HINT1: variants seen among roughly 807,000 people sequenced by gnomAD.
The protein encoded by HINT1 is histidine triad nucleotide binding protein 1, also known as adenosine 5'-monophosphoramidase HINT1.
In HINT1, 12 loss-of-function variants were observed where a neutral mutation model predicts 11.2. The ratio of observed to expected loss-of-function variants is 1.07; its 90% CI spans 0.69 to 1.74. The LOEUF (loss-of-function observed/expected upper bound fraction) is 1.74. Among genes scored for constraint, HINT1 ranks in the 40% most tolerant of loss-of-function variants. The pLI, the probability that HINT1 is intolerant of heterozygous loss-of-function variation, is 0.00. For synonymous variants in HINT1, 42 were observed against 52.6 expected (o/e 0.80, Z 0.87); for missense variants, 150 against 161.8 (o/e 0.93, Z 0.40).
Position 131,162,565 on chromosome 5 carries a change from T to C in HINT1, c.216+7A>G. 5 of 1,605,950 alleles carry C rather than the reference T, an allele frequency of 3.1e-6. No homozygotes were observed. The highest frequency in any genetic ancestry group is 4.3e-6 in the Non-Finnish European group (5 of 1,172,640). Reference sequence around the variant, plus strand: ...AAGAAAATAAATCATGTTAGAAATGTACTTACACTTTCATCATCATCTTCT... The same window carrying C: ...AAGAAAATAAATCATGTTAGAAATGCACTTACACTTTCATCATCATCTTCT... On this transcript the variant is annotated splice_region_variant and intron_variant, in intron 2 of 2. Coordinates refer to ENST00000304043, the MANE Select transcript of HINT1 (RefSeq NM_005340.7).
In HINT1 at chr5:131,160,803, G is replaced by C. The variant is rs1267370330; in HGVS notation, c.217-1192C>G. 5 of 484,400 alleles carry C rather than the reference G, an allele frequency of 1.0e-5. No homozygotes were observed. In the East Asian group the frequency reaches 3.4e-4, roughly 33 times the overall value. 30.0% of individuals were successfully genotyped at this position (484,400 alleles called of 1,614,324 possible). On this transcript the variant is annotated intron_variant, in intron 2 of 2. Coordinates refer to ENST00000304043, the MANE Select transcript of HINT1 (RefSeq NM_005340.7). ...CGAATTCTGATCCTTTTCCAGACTG[G>C]TGATATGCAGTAAAATACTCTTACA...
chr5:131,165,060 C>A, intron 1 of HINT1, 35 bp downstream of exon 1: 2 of 1,613,106 alleles, frequency 1.2e-6, no homozygotes, highest in South Asian at 1.1e-5. Flanking sequence ...CGATACCCAC[C>A]TCAGCAGGCG....
intron 2 of HINT1, 47 bp downstream of exon 2, chr5:131,162,525 C>T: frequency 6.2e-7 from 1 of 1,608,502 alleles, no homozygotes; most frequent in African/African-American, 1.3e-5. Flanking sequence ...AAATTAATCT[C>T]ACAATTTAAA....
At chr5:131,160,574 G>T in intron 2 of HINT1, 5 of 386,752 alleles carry the variant, frequency 1.3e-5, no homozygotes, top group Non-Finnish European at 1.8e-5. Flanking sequence ...AATTCCTTTG[G>T]CAAGAAAAGA....
Position 131,159,378 on chromosome 5 carries a change from ACTTAACATACTGGAAATTGC to A in HINT1, c.*49_*68del. The A allele has an allele frequency of 1.4e-6, 2 of 1,412,944 alleles. No individual in the cohort carries two copies. The highest frequency in any genetic ancestry group is 1.2e-5 in the South Asian group (1 of 81,924). 87.5% of individuals were successfully genotyped at this position (1,412,944 alleles called of 1,614,324 possible). ...ATACACAGGCAAAAATAAGTGTGTT[ACTTAACATACTGGAAATTGC>A]CTAACTTAATCATTGCCTAAAGAAG... On this transcript the variant is annotated 3_prime_UTR_variant, in exon 3 of 3. Coordinates refer to ENST00000304043, the MANE Select transcript of HINT1 (RefSeq NM_005340.7).
intron 2 of HINT1, chr5:131,162,359 T>C (rs765148203): frequency 3.5e-6 from 3 of 868,844 alleles, no homozygotes; most frequent in Middle Eastern, 4.3e-4. Flanking sequence ...TTGATAAGGA[T>C]ACGGAGAAGC....
At chr5:131,164,968 C>A in intron 1 of HINT1, 127 bp downstream of exon 1, 2 of 1,382,294 alleles carry the variant, frequency 1.4e-6, no homozygotes, top group Non-Finnish European at 2.0e-6. Context: ...GCCCGCTGGA[C>A]CAGGGCAGCC....
intron 1 of HINT1, among the ~76,000 whole-genome samples, chr5:131,162,914 T>G (rs1755294918): frequency 6.6e-6 from 1 of 152,062 alleles, no homozygotes; most frequent in Non-Finnish European, 1.5e-5. Flanking sequence ...CTCAGCTCAC[T>G]GCAACCTCCG....
rs1755195456 is a variant in HINT1, at chr5:131,159,518, C to T, written c.310G>A (p.Gly104Ser). Residue 104 changes from glycine (G) to serine (S), a missense_variant, in exon 3 of 3, where the codon GGT becomes AGT. Transcript: ENST00000304043. ...YRMVVNEGSD[G>S]GQSVYHVHLH... is the part of the protein sequence containing the mutation. ...TGAACGTGATAGACAGACTGTCCACCATCTGAACCTTCATTCACCACCATT... is the reference window on the plus strand; with the variant it reads ...TGAACGTGATAGACAGACTGTCCACTATCTGAACCTTCATTCACCACCATT... 1 of 1,613,842 alleles carries T rather than the reference C, an allele frequency of 6.2e-7. No individual in the cohort carries two copies. The highest frequency in any genetic ancestry group is 2.2e-5 in the East Asian group (1 of 44,874).
At chr5:131,161,469 G>A (rs887344012) in intron 2 of HINT1, among the ~76,000 whole-genome samples, 2 of 151,788 alleles carry the variant, frequency 1.3e-5, no homozygotes, top group African/African-American at 2.4e-5. Context: ...AGGCGTGATG[G>A]CATGCCTGTA....
chr5:131,160,277 T>C (rs1755217111), intron 2 of HINT1, among the ~76,000 whole-genome samples: 1 of 152,222 alleles, frequency 6.6e-6, no homozygotes, highest in African/African-American at 2.4e-5. Flanking sequence ...ACCAGATCTA[T>C]TGCATTGTCG....
chr5:131,165,178 C>T lies in HINT1; in HGVS notation c.28G>A (p.Val10Ile). 6.2e-7 allele frequency: 1 copy of T among 1,610,098 alleles called. No homozygotes were observed. The highest frequency in any genetic ancestry group is 8.5e-7 in the Non-Finnish European group (1 of 1,179,904). ...ATCGTGTCGCCACCAGGCCGAGCGA[C>T]CTGAGCCTTGGCAATCTCATCTGCC... is the stretch of plus-strand genomic sequence containing the variant. MADEIAKAQVARPGGDTIFG... is the reference protein window; with the variant it reads MADEIAKAQIARPGGDTIFG... The change falls in exon 1 of 3, where the codon GTC (valine) becomes ATC (isoleucine). Residue 10 changes from valine to isoleucine, a missense_variant. By Grantham distance (29) the Val-to-Ile change is conservative. Transcript: ENST00000304043.
At chr5:131,164,061 A>T (rs904070597) in intron 1 of HINT1, among the ~76,000 whole-genome samples, 11 of 151,694 alleles carry the variant, frequency 7.3e-5, no homozygotes, top group African/African-American at 2.7e-4. Context: ...TTTTTTTTTT[A>T]ATTTACCTAG....
At chr5:131,161,974 G>A (rs1373714441) in intron 2 of HINT1, 1 of 160,314 alleles carries the variant, frequency 6.2e-6, no homozygotes, top group Admixed American at 6.1e-5. Context: ...TTAATAAATA[G>A]TAAATATATT....
At chr5:131,161,590 C>T (rs796808054) in intron 2 of HINT1, among the ~76,000 whole-genome samples, 4 of 144,048 alleles carry the variant, frequency 2.8e-5, no homozygotes, top group African/African-American at 7.8e-5. Flanking sequence ...AACGAAACTC[C>T]GTCTCAAAAA....
At position 131,159,417 on chromosome 5, in the gene HINT1, A is replaced by T; in HGVS notation, c.*30T>A. 6.2e-7 allele frequency: 1 copy of T among 1,604,130 alleles called. No homozygotes were observed. Among genetic ancestry groups the T allele is most frequent in the Non-Finnish European group, 8.5e-7 (1 of 1,175,128 alleles). ...AAATTGCCTAACTTAATCATTGCCT[A>T]AAGAAGAGAAAATTATCCCCAAAAC... On this transcript the variant is annotated 3_prime_UTR_variant, in exon 3 of 3. Transcript: ENST00000304043.
At chr5:131,164,043 C>T (rs961140809) in intron 1 of HINT1, among the ~76,000 whole-genome samples, 1 of 151,916 alleles carries the variant, frequency 6.6e-6, no homozygotes, top group Non-Finnish European at 1.5e-5. Flanking sequence ...TGAGTAGAGA[C>T]AAAGTATTTT....
chr5:131,159,970 C>T, intron 2 of HINT1, among the ~76,000 whole-genome samples: 1 of 152,092 alleles, frequency 6.6e-6, no homozygotes, highest in South Asian at 2.1e-4. Context: ...TCCTGCCTCA[C>T]CCACCCAAGG....
At chr5:131,159,736 T>C (rs1755202200) in intron 2 of HINT1, 125 bp from the exon 3 acceptor site, 2 of 840,030 alleles carry the variant, frequency 2.4e-6, no homozygotes, top group African/African-American at 1.7e-5. Flanking sequence ...TTTGAGCAAA[T>C]ATTTGGAAAC....
Sources: gnomAD v4.1 joint callset for allele counts (sites outside exome capture counted in the v4.1 genomes callset) on GRCh38, gnomAD v4.1.1 for gene constraint, MANE v1.5 for transcripts, NCBI Gene and HGNC (gene_info 2026-07-23, HGNC 2026-07-21) for gene names.